PIGQ: variants seen among roughly 807,000 people sequenced by gnomAD.
The protein encoded by PIGQ is phosphatidylinositol N-acetylglucosaminyltransferase subunit Q.
A neutral mutation model predicts 60.3 loss-of-function variants in PIGQ; 54 were observed. That is an observed-to-expected ratio of 0.90 (90% CI 0.72 to 1.12). The LOEUF (loss-of-function observed/expected upper bound fraction) is 1.12. Ranked by LOEUF, PIGQ falls within the 50% of genes most tolerant of loss-of-function variation. PIGQ has a pLI of 0.00. For synonymous variants in PIGQ, 416 were observed against 363.7 expected, an observed-to-expected ratio of 1.14 and a Z score of -1.64; for missense variants, 799 against 793.5, an observed-to-expected ratio of 1.01 and a Z score of -0.08.
In PIGQ at chr16:578,770, A is replaced by G. The variant is rs548475692; in HGVS notation, c.1070-15A>G. The G allele has an allele frequency of 1.9e-6, 3 of 1,611,362 alleles. No homozygotes were observed. In the Admixed American group the frequency reaches 5.0e-5, roughly 27 times the overall value. On this transcript the variant is annotated splice_polypyrimidine_tract_variant and intron_variant, in intron 5 of 10. Transcript: ENST00000321878. Reference sequence around the variant, plus strand: ...GGGTCTGAGCGCCTCCTGAGGGCCTACCCCACCCTGCCAGGCTACATCCAC... The same window carrying G: ...GGGTCTGAGCGCCTCCTGAGGGCCTGCCCCACCCTGCCAGGCTACATCCAC...
intron 4 of PIGQ, chr16:576,497 G>A (rs2035721724): frequency 1.0e-5 from 6 of 583,942 alleles, no homozygotes; most frequent in South Asian, 6.5e-5. Context: ...GGAGCCAGCC[G>A]GGCTGAGGCT....
intron 1 of PIGQ, among the ~76,000 whole-genome samples, chr16:570,978 T>C (rs1393012404): frequency 6.6e-6 from 1 of 151,960 alleles, no homozygotes; most frequent in Admixed American, 6.6e-5. Flanking sequence ...TGGGAATGGC[T>C]TCTCAAGAGC....
In PIGQ at chr16:584,103, GT is replaced by G. The variant is rs143156677; in HGVS notation, c.*1069del. 9.3e-4 allele frequency: 252 copies of G among 271,740 alleles called. 6 individuals carry two copies. The East Asian group carries it at 0.022, about 24-fold the overall frequency. 16.8% of individuals were successfully genotyped at this position (271,740 alleles called of 1,614,324 possible). On this transcript the variant is annotated 3_prime_UTR_variant, in exon 11 of 11. Transcript: ENST00000321878. The stretch of plus-strand genomic sequence containing the variant: ...GCTGTGACAATAAAACCTGCCCCGT[GT>G]CTGGAGCGCAGGCTCGGTCCCGGGT...
In PIGQ at chr16:581,949, G is replaced by A. The variant is rs184115029; in HGVS notation, c.1532-299G>A. On this transcript the variant is annotated intron_variant, in intron 9 of 10. Transcript: ENST00000321878. ...CGGCTAATTTTTGTATTTTTAGTAC[G>A]TATGGGGTTTCACCATGTTGGCCAG... The A allele has an allele frequency of 1.0e-3, 429 of 429,434 alleles. 2 individuals carry two copies. Among genetic ancestry groups the A allele is most frequent in the African/African-American group, 7.6e-3 (375 of 49,498 alleles). 26.6% of individuals were successfully genotyped at this position (429,434 alleles called of 1,614,324 possible). A position where few individuals can be genotyped will look rare whatever the true frequency, so the allele number is the denominator to read the frequency against.
At position 580,698 on chromosome 16, in the gene PIGQ, G is replaced by A. The variant is rs1194870235; in HGVS notation, c.1417-160G>A. On this transcript the variant is annotated intron_variant, in intron 8 of 10. Coordinates refer to ENST00000321878, the MANE Select transcript of PIGQ (RefSeq NM_004204.5). Reference sequence around the variant, plus strand: ...GCCTCCAGCTTTGCTCCAGAGCAAGGCCCAATGGCAGACTCCGTGCCCTGC... The same window carrying A: ...GCCTCCAGCTTTGCTCCAGAGCAAGACCCAATGGCAGACTCCGTGCCCTGC... The A allele has an allele frequency of 4.7e-5, 31 of 653,992 alleles. 1 individual carries two copies. Among genetic ancestry groups the A allele is most frequent in the Non-Finnish European group, 6.9e-5 (25 of 364,738 alleles). The allele number at this position is 653,992 out of a possible 1,614,324, so 40.5% of individuals were successfully genotyped here. A position where few individuals can be genotyped will look rare whatever the true frequency, so the allele number is the denominator to read the frequency against.
chr16:582,272 G>A lies in PIGQ; in HGVS notation c.1556G>A (p.Arg519Gln), dbSNP rs138436451. The change falls in exon 10 of 11, where the codon CGG (arginine) becomes CAG (glutamine). Residue 519 changes from arginine to glutamine, a missense_variant. By Grantham distance (43) the Arg-to-Gln change is conservative. Coordinates refer to ENST00000321878, the MANE Select transcript of PIGQ (RefSeq NM_004204.5). ...GCTGGCGTGAAGTTCCGTGTCCTCC[G>A]GCACGAGGCCGGCAGGCCCCTCCGC... Reference protein sequence around the residue: ...LAAGVKFRVLRHEAGRPLRLL... With the variant: ...LAAGVKFRVLQHEAGRPLRLL... 1.2e-4 allele frequency: 187 copies of A among 1,606,936 alleles called. No homozygotes were observed. In the African/African-American group the frequency reaches 2.0e-3, roughly 18 times the overall value.
intron 1 of PIGQ, among the ~76,000 whole-genome samples, chr16:571,321 A>C (rs2097540): frequency 0.56 from 7,091 of 12,556 alleles, 2,237 homozygotes; most frequent in East Asian, 0.69. Context: ...TAGCCTGGCA[A>C]CCATGGCTAG....
chr16:582,158 C>A (rs1283862039), intron 9 of PIGQ, 90 bp from the exon 10 acceptor site: 2 of 928,652 alleles, frequency 2.2e-6, no homozygotes, highest in Admixed American at 4.0e-5. Context: ...CACCCGGGTG[C>A]CCCTCAGAGA....
Position 582,893 on chromosome 16 carries a change from T to C in PIGQ, c.1604T>C (p.Leu535Pro). The change falls in exon 11 of 11, where the codon CTG (leucine) becomes CCG (proline). Residue 535 changes from leucine to proline, a missense_variant. Coordinates refer to ENST00000321878, the MANE Select transcript of PIGQ (RefSeq NM_004204.5). ...PLRLLMQINPLPYSRVVHTYR... is the reference protein window; with the variant it reads ...PLRLLMQINPPPYSRVVHTYR... ...CCCTTGTCCTTCCAGATAAACCCAC[T>C]GCCCTACAGCCGCGTGGTGCACACC... 1.2e-6 allele frequency: 2 copies of C among 1,600,294 alleles called. No homozygotes were observed. Among genetic ancestry groups the C allele is most frequent in the Non-Finnish European group, 1.7e-6 (2 of 1,171,436 alleles).
In PIGQ at chr16:580,250, T is replaced by C; in HGVS notation, c.1403T>C (p.Leu468Pro). 6.2e-7 allele frequency: 1 copy of C among 1,610,812 alleles called. No homozygotes were observed. Among genetic ancestry groups the C allele is most frequent in the South Asian group, 1.1e-5 (1 of 90,856 alleles). ...CTGCCTACCACAGCCCTGTACTACCTGGTGTTCACCCTGGTGAGCTGAGCA... is the reference window on the plus strand; with the variant it reads ...CTGCCTACCACAGCCCTGTACTACCCGGTGTTCACCCTGGTGAGCTGAGCA... ...FLLPTTALYY[L>P]VFTLLRLLVV... Residue 468 changes from leucine (L) to proline (P), a missense_variant, in exon 8 of 11, where the codon CTG (leucine) becomes CCG (proline). Leu to Pro is a moderately conservative substitution (Grantham distance 98). Transcript: ENST00000321878.
intron 6 of PIGQ, 42 bp from the exon 7 acceptor site, chr16:579,027 G>A (rs1337565275): frequency 1.3e-6 from 2 of 1,530,874 alleles, no homozygotes; most frequent in African/African-American, 1.4e-5. Flanking sequence ...GGGGCGGGGC[G>A]GGGCGGGGCG....
rs528254518 is a variant in PIGQ, at chr16:575,946, C to T, written c.797C>T (p.Ala266Val). Residue 266 changes from alanine to valine, a missense_variant, in exon 3 of 11, where the codon GCG becomes GTG. Ala to Val is a moderately conservative substitution (Grantham distance 64, BLOSUM62 0). Transcript: ENST00000321878. Reference sequence around the variant, plus strand: ...ACGCTAATCTTCAGTACACGGAAGGCGGAGAACCCTGCCCAGCTGATGAGG... The same window carrying T: ...ACGCTAATCTTCAGTACACGGAAGGTGGAGAACCCTGCCCAGCTGATGAGG... ...HLTLIFSTRK[A>V]ENPAQLMRKA... The T allele has an allele frequency of 1.1e-5, 18 of 1,585,428 alleles. No homozygotes were observed. The highest frequency in any genetic ancestry group is 3.5e-5 in the South Asian group (3 of 86,932).
In PIGQ at chr16:583,352, G is replaced by T; in HGVS notation, c.*317G>T. 2 of 1,612,542 alleles carry T rather than the reference G, an allele frequency of 1.2e-6. No homozygotes were observed. Among genetic ancestry groups the T allele is most frequent in the Non-Finnish European group, 1.7e-6 (2 of 1,179,772 alleles). ...CAGAGCACTGCCCCATGCCCACCCT[G>T]TGTACCCAGGTCCAGAGGGTCCGTC... is the stretch of plus-strand genomic sequence containing the variant. On this transcript the variant is annotated 3_prime_UTR_variant, in exon 11 of 11. Transcript: ENST00000321878.
rs771796362 is a variant in PIGQ, at chr16:574,577, C to G, written c.503C>G (p.Thr168Arg). The change falls in exon 2 of 11, where the codon ACG becomes AGG. Residue 168 changes from threonine to arginine, a missense_variant. By Grantham distance (71) the Thr-to-Arg change is moderately conservative. Coordinates refer to ENST00000321878, the MANE Select transcript of PIGQ (RefSeq NM_004204.5). ...STGGLAAVFD[T>R]VARSEVLFRS... ...GGGGGCCTGGCTGCCGTCTTCGACA[C>G]GGTAGCACGCAGTGAGGTGCTCTTC... 2 of 1,603,972 alleles carry G rather than the reference C, an allele frequency of 1.2e-6. No individual in the cohort carries two copies. The highest frequency in any genetic ancestry group is 1.7e-5 in the Admixed American group (1 of 59,066).
chr16:576,647 T>C (rs1596384175), intron 4 of PIGQ: 3 of 447,920 alleles, frequency 6.7e-6, no homozygotes, highest in Admixed American at 7.6e-5. Flanking sequence ...GGGAGGCCCA[T>C]GTGCAGCCCA....
At chr16:575,502 T>C (rs1271249471) in intron 2 of PIGQ, among the ~76,000 whole-genome samples, 1 of 152,174 alleles carries the variant, frequency 6.6e-6, no homozygotes, top group East Asian at 1.9e-4. Context: ...CCGGGCAGCT[T>C]TCTGGGCCCT....
intron 9 of PIGQ, 174 bp from the exon 10 acceptor site, chr16:582,074 G>A (rs1172440396): frequency 1.0e-5 from 7 of 684,674 alleles, no homozygotes; most frequent in Non-Finnish European, 1.9e-5. Context: ...CTTTGATGCC[G>A]GCCTGGCAGC....
intron 4 of PIGQ, chr16:576,460 C>A (rs762290015): frequency 1.6e-6 from 1 of 636,654 alleles, no homozygotes; most frequent in East Asian, 2.8e-5. Flanking sequence ...GGTACACCCC[C>A]CTTTCCTTCT....
chr16:578,349 C>A (rs749045274), intron 4 of PIGQ, 30 bp from the exon 5 acceptor site: 1 of 1,593,302 alleles, frequency 6.3e-7, no homozygotes, highest in South Asian at 1.1e-5. Context: ...TGGCTGCCCC[C>A]GCCCCAGCGT....
Sources: gnomAD v4.1 joint callset for allele counts (sites outside exome capture counted in the v4.1 genomes callset) on GRCh38, gnomAD v4.1.1 for gene constraint, MANE v1.5 for transcripts, NCBI Gene and HGNC (gene_info 2026-07-23, HGNC 2026-07-21) for gene names.